SIM2: variants seen among roughly 807,000 people sequenced by gnomAD.
SIM2 encodes single-minded homolog 2.
SIM2 carries 28 observed loss-of-function variants against 64.8 expected under a neutral mutation model. The ratio of observed to expected loss-of-function variants is 0.43; its 90% CI spans 0.32 to 0.59. The LOEUF is 0.59. Ranked by LOEUF, SIM2 falls within the 20% of genes least tolerant of loss-of-function variation. The pLI, the probability that SIM2 is intolerant of heterozygous loss-of-function variation, is 0.07. For missense variants in SIM2, 847 were observed against 871.4 expected (o/e 0.97, Z 0.35); for synonymous variants, 408 against 391.1 (o/e 1.04, Z -0.51).
intron 7 of SIM2, among the ~76,000 whole-genome samples, chr21:36,739,334 G>A (rs577366043): frequency 3.9e-5 from 6 of 152,284 alleles, no homozygotes; most frequent in Admixed American, 3.3e-4. Context: ...ACAGTTTGTT[G>A]GAGGGGGTAG....
Position 36,745,982 on chromosome 21 carries a change from C to A in SIM2, c.1576+846C>A. 8.4e-7 allele frequency: 1 copy of A among 1,187,624 alleles called. No homozygotes were observed. The highest frequency in any genetic ancestry group is 2.7e-5 in the Admixed American group (1 of 37,010). The allele number at this position is 1,187,624 out of a possible 1,614,324, so 73.6% of individuals were successfully genotyped here. A position where few individuals can be genotyped will look rare whatever the true frequency, so the allele number is the denominator to read the frequency against. On this transcript the variant is annotated intron_variant, in intron 10 of 10. Coordinates refer to ENST00000290399, the MANE Select transcript of SIM2 (RefSeq NM_005069.6). The surrounding 1 kb of genome is among the most constrained non-coding windows in gnomAD (Gnocchi z 4.8). ...GTGTAGACCGAGATGGTGCAGATGC[C>A]TGCAGTGCCACTAAAATGTGGGTGA...
At position 36,747,822 on chromosome 21, in the gene SIM2, C is replaced by A; in HGVS notation, c.1734C>A (p.Pro578=). The part of the protein sequence containing the change: ...GARLALARAA[P]ECCAPPTPEA... ...GGCTGGCGCTGGCCCGCGCGGCACC[C>A]GAGTGCTGCGCGCCCCCGACCCCCG... The change falls in exon 11 of 11, where the codon CCC becomes CCA. Residue 578 remains proline (P), a synonymous_variant. Coordinates refer to ENST00000290399, the MANE Select transcript of SIM2 (RefSeq NM_005069.6). The surrounding 1 kb of genome is among the most constrained non-coding windows in gnomAD (Gnocchi z 4.5). 9.6e-7 allele frequency: 1 copy of A among 1,036,524 alleles called. No homozygotes were observed. Among genetic ancestry groups the A allele is most frequent in the South Asian group, 3.6e-5 (1 of 28,088 alleles). 64.2% of individuals were successfully genotyped at this position (1,036,524 alleles called of 1,614,324 possible).
At chr21:36,702,129 G>A (rs895322198) in intron 1 of SIM2, among the ~76,000 whole-genome samples, 3 of 152,192 alleles carry the variant, frequency 2.0e-5, no homozygotes, top group Non-Finnish European at 4.4e-5. Context: ...GTGCGTTCTG[G>A]CTCTGGAAAG....
chr21:36,716,394 AC>A (rs56409375), intron 3 of SIM2, among the ~76,000 whole-genome samples: 82,352 of 151,942 alleles, frequency 0.54, 22,956 homozygotes, highest in Middle Eastern at 0.68. Flanking sequence ...TATTTATGAG[AC>A]ACATAAAAGA....
intron 7 of SIM2, among the ~76,000 whole-genome samples, chr21:36,734,359 G>C (rs1175937222): frequency 6.6e-6 from 1 of 152,194 alleles, no homozygotes; most frequent in African/African-American, 2.4e-5. Context: ...GCTCAAAAAG[G>C]TAGGCGTGTT....
At chr21:36,713,982 G>A (rs776275426) in intron 3 of SIM2, among the ~76,000 whole-genome samples, 3 of 152,230 alleles carry the variant, frequency 2.0e-5, no homozygotes, top group Non-Finnish European at 4.4e-5. Context: ...TGGGATTAGT[G>A]TACTTGTAGA....
chr21:36,713,583 G>A (rs1319006650), intron 3 of SIM2, among the ~76,000 whole-genome samples: 4 of 152,216 alleles, frequency 2.6e-5, no homozygotes, highest in Non-Finnish European at 5.9e-5. Context: ...GGGTTCCAGA[G>A]AGGCCCATAT....
At position 36,743,565 on chromosome 21, in the gene SIM2, ATG is replaced by A. The variant is rs755402134; in HGVS notation, c.1167+12_1167+13del. ...CCCTTACCCCCCACAGGTAACACGC[ATG>A]TCCTGCAGTTTTGGGGTGCTGACAT... On this transcript the variant is annotated intron_variant, in intron 9 of 10. Transcript: ENST00000290399. 20 of 1,611,698 alleles carry A rather than the reference ATG, an allele frequency of 1.2e-5. No individual in the cohort carries two copies. In the African/African-American group the frequency reaches 2.7e-4, roughly 22 times the overall value.
Position 36,699,670 on chromosome 21 carries a change from C to A in SIM2, c.-77C>A. On this transcript the variant is annotated 5_prime_UTR_variant, in exon 1 of 11. Coordinates refer to ENST00000290399, the MANE Select transcript of SIM2 (RefSeq NM_005069.6). The surrounding 1 kb of genome is among the most constrained non-coding windows in gnomAD (Gnocchi z 5.6). The stretch of plus-strand genomic sequence containing the variant: ...TGGCTCCCGGCTCCCCCTTCCCCAT[C>A]CCCGCCGCCGCAGCCCGAGCGGGGC... 1.3e-6 allele frequency: 2 copies of A among 1,521,366 alleles called. No individual in the cohort carries two copies. Among genetic ancestry groups the A allele is most frequent in the Non-Finnish European group, 1.8e-6 (2 of 1,130,114 alleles). 94.2% of individuals were successfully genotyped at this position (1,521,366 alleles called of 1,614,324 possible).
At chr21:36,731,189 G>T (rs1193412874) in intron 7 of SIM2, 38 bp downstream of exon 7, 2 of 1,522,228 alleles carry the variant, frequency 1.3e-6, no homozygotes, top group African/African-American at 2.7e-5. Flanking sequence ...GGAGGTAGCT[G>T]GTCAGGGAGG....
chr21:36,742,156 T>TG (rs1183390470), intron 8 of SIM2, among the ~76,000 whole-genome samples: 6 of 151,948 alleles, frequency 3.9e-5, no homozygotes, highest in Non-Finnish European at 7.4e-5. Context: ...GTGAGGAGCA[T>TG]GGGGGCGGAT....
In SIM2 at chr21:36,737,961, CAAA is replaced by C. The variant is rs61252184; in HGVS notation, c.851-3737_851-3735del. 3.3e-3 allele frequency among the ~76,000 whole-genome samples: 113 copies of C among 34,136 alleles called. 1 individual carries two copies. Among genetic ancestry groups the C allele is most frequent in the Admixed American group, 5.6e-3 (13 of 2,342 alleles). 22.4% of individuals were successfully genotyped at this position (34,136 alleles called of 152,430 possible). A position where few individuals can be genotyped will look rare whatever the true frequency, so the allele number is the denominator to read the frequency against. On this transcript the variant is annotated intron_variant, in intron 7 of 10. Coordinates refer to ENST00000290399, the MANE Select transcript of SIM2 (RefSeq NM_005069.6). ...TGGGCAAAAGAGCAAGACCCTGTCT[CAAA>C]AAAAAAAAAAAAAAAAAAGCAAAAA...
intron 1 of SIM2, among the ~76,000 whole-genome samples, chr21:36,702,800 G>A (rs2088521152): frequency 2.0e-5 from 3 of 152,040 alleles, no homozygotes; most frequent in Admixed American, 2.0e-4. Flanking sequence ...GGCTGTGGCA[G>A]GGGCTCTCAG....
intron 7 of SIM2, among the ~76,000 whole-genome samples, chr21:36,735,650 G>A (rs1280655937): frequency 2.6e-5 from 4 of 152,170 alleles, no homozygotes; most frequent in Non-Finnish European, 4.4e-5. Context: ...AGGTCTGGAC[G>A]ATGCTTTTGT....
chr21:36,715,352 G>A (rs73210771), intron 3 of SIM2, among the ~76,000 whole-genome samples: 4,235 of 152,178 alleles, frequency 0.028, 92 homozygotes, highest in Middle Eastern at 0.075. Flanking sequence ...TACCCAACTG[G>A]TCTTTTAAAC....
intron 1 of SIM2, among the ~76,000 whole-genome samples, chr21:36,705,150 T>G (rs1237414363): frequency 1.3e-5 from 2 of 152,174 alleles, no homozygotes; most frequent in African/African-American, 4.8e-5. Context: ...CAGGGGGTCG[T>G]GCTGCGGCTT....
In SIM2 at chr21:36,744,711, T is replaced by C. The variant is rs1046440539; in HGVS notation, c.1168-17T>C. ...CGGCCCCTCGCTGGCCCTTCATCCA[T>C]CTTCTTTGCCATGCAGCAATACAGC... On this transcript the variant is annotated splice_polypyrimidine_tract_variant and intron_variant, in intron 9 of 10. Transcript: ENST00000290399. 4 of 1,571,640 alleles carry C rather than the reference T, an allele frequency of 2.5e-6. No homozygotes were observed. The African/African-American group carries it at 5.4e-5, about 21-fold the overall frequency.
chr21:36,699,621 C>G lies in SIM2; in HGVS notation c.-126C>G. ...CCCCGGGAGGCCCCCCGCACCTGCC[C>G]GCGGCCCACTCCGCGGACTCACCTG... On this transcript the variant is annotated 5_prime_UTR_variant, in exon 1 of 11. Transcript: ENST00000290399. This position sits in a 1 kb window ranked among gnomAD's most constrained non-coding sequence, Gnocchi z 5.6. The G allele has an allele frequency of 9.2e-7, 1 of 1,084,968 alleles. No homozygotes were observed. The highest frequency in any genetic ancestry group is 1.8e-5 in the South Asian group (1 of 55,696). 67.2% of individuals were successfully genotyped at this position (1,084,968 alleles called of 1,614,324 possible). A position where few individuals can be genotyped will look rare whatever the true frequency, so the allele number is the denominator to read the frequency against.
At chr21:36,720,155 C>T (rs539278076) in intron 4 of SIM2, 21 of 543,532 alleles carry the variant, frequency 3.9e-5, no homozygotes, top group African/African-American at 1.5e-4. Flanking sequence ...GGCCAGAACC[C>T]GTGTTGAGTG....
Sources: allele counts gnomAD v4.1 joint callset (sites outside exome capture counted in the v4.1 genomes callset), GRCh38; gene constraint gnomAD v4.1.1; non-coding constraint Gnocchi (gnomAD v3.1); transcripts MANE v1.5; gene names NCBI Gene and HGNC (gene_info 2026-07-23, HGNC 2026-07-21).